CD48: variants seen among roughly 807,000 people sequenced by gnomAD.
The protein encoded by CD48 is CD48 molecule, also known as CD48 antigen.
In CD48, 20 loss-of-function variants were observed where a neutral mutation model predicts 22.0. The ratio of observed to expected loss-of-function variants is 0.91; its 90% CI spans 0.64 to 1.32. CD48 has a LOEUF of 1.32. Ranked by LOEUF, CD48 falls within the 40% of genes most tolerant of loss-of-function variation. The probability of loss-of-function intolerance (pLI) is 0.00; values close to 1 mark genes in which losing one functional copy is unlikely to be tolerated. For missense variants in CD48, 307 were observed against 286.5 expected, an observed-to-expected ratio of 1.07 and a Z score of -0.52; for synonymous variants, 110 against 110.1, an observed-to-expected ratio of 1.00 and a Z score of 0.01.
intron 1 of CD48, among the ~76,000 whole-genome samples, chr1:160,697,054 CTA>C (rs1307146930): frequency 6.6e-6 from 1 of 151,798 alleles, no homozygotes; most frequent in Non-Finnish European, 1.5e-5. Context: ...ATCTAGCACT[CTA>C]TACTTTAAAT....
At chr1:160,711,245 A>G (rs1365976825) in intron 1 of CD48, among the ~76,000 whole-genome samples, 1 of 152,218 alleles carries the variant, frequency 6.6e-6, no homozygotes, top group Non-Finnish European at 1.5e-5. Flanking sequence ...GGTCAATGAC[A>G]ATATCATTTA....
chr1:160,711,787 A>G lies in CD48; in HGVS notation c.-24T>C. On this transcript the variant is annotated 5_prime_UTR_variant, in exon 1 of 4. Transcript: ENST00000368046. ...ATGCTTCCTTCCAGAACTTCCCAGC[A>G]ACGCAGGAGACAGTTGAGAGCCTGG... The G allele has an allele frequency of 6.3e-7, 1 of 1,583,278 alleles. No homozygotes were observed. Among genetic ancestry groups the G allele is most frequent in the Non-Finnish European group, 8.7e-7 (1 of 1,152,078 alleles).
Position 160,711,697 on chromosome 1 carries a change from C to T in CD48, c.67G>A (p.Val23Met), listed in dbSNP as rs912610996. ...TGGAAAGTACCTTGAATGCTGGTCA[C>T]CAGGAGTGACAGAGGCAGCAGTAGC... ...ELLLLPLSLL[V>M]TSIQGHLVHM... The change falls in exon 1 of 4, where the codon GTG (valine) becomes ATG (methionine). Residue 23 changes from valine (V) to methionine (M), a missense_variant. Transcript: ENST00000368046. 1 of 1,612,940 alleles carries T rather than the reference C, an allele frequency of 6.2e-7. No individual in the cohort carries two copies. The highest frequency in any genetic ancestry group is 1.7e-5 in the Admixed American group (1 of 60,002).
rs562471130 is a variant in CD48, at chr1:160,685,433, T to C, written c.83-244A>G. Among the ~76,000 whole-genome samples, 3 of 152,172 alleles carry C rather than the reference T, an allele frequency of 2.0e-5. No homozygotes were observed. In the East Asian group the frequency reaches 5.8e-4, roughly 29 times the overall value. On this transcript the variant is annotated intron_variant, in intron 1 of 3. Coordinates refer to ENST00000368046, the MANE Select transcript of CD48 (RefSeq NM_001778.4). ...TTAATCTAGTACTGTCCCCAGAAAA[T>C]GAAAGAATTGAGTAAGGCCAACTGA...
chr1:160,693,888 C>T (rs1212423662), intron 1 of CD48, among the ~76,000 whole-genome samples: 1 of 152,298 alleles, frequency 6.6e-6, no homozygotes, highest in Non-Finnish European at 1.5e-5. Context: ...CCAAGTACCT[C>T]AGGGAATAAG....
intron 2 of CD48, chr1:160,684,674 A>C: frequency 1.4e-6 from 2 of 1,410,490 alleles, no homozygotes; most frequent in Non-Finnish European, 1.9e-6. Context: ...TAACTTCAGA[A>C]GAGGTGTTAA....
chr1:160,692,312 A>G (rs1662251159), intron 1 of CD48: 1 of 152,224 alleles, frequency 6.6e-6, no homozygotes, highest in East Asian at 1.9e-4. Flanking sequence ...TTAATGGCTC[A>G]GTCAACGCAA....
intron 1 of CD48, among the ~76,000 whole-genome samples, chr1:160,698,237 G>C (rs1025533093): frequency 3.3e-5 from 5 of 152,108 alleles, no homozygotes; most frequent in African/African-American, 1.2e-4. Flanking sequence ...TACTTGCATT[G>C]ATTCAACTTT....
At chr1:160,710,705 G>C (rs1167761842) in intron 1 of CD48, among the ~76,000 whole-genome samples, 1 of 152,136 alleles carries the variant, frequency 6.6e-6, no homozygotes, top group African/African-American at 2.4e-5. Flanking sequence ...AACCTATATA[G>C]CCGTAGACTC....
intron 2 of CD48, 83 bp downstream of exon 2, chr1:160,684,804 G>C: frequency 6.2e-7 from 1 of 1,613,964 alleles, no homozygotes; most frequent in African/African-American, 1.3e-5. Flanking sequence ...CCCCGAGAGT[G>C]CCCCATGCCT....
intron 1 of CD48, among the ~76,000 whole-genome samples, chr1:160,703,131 G>T (rs1662686243): frequency 6.6e-6 from 1 of 152,152 alleles, no homozygotes. Context: ...TGTGAGCTGA[G>T]CCTGAGTAAT....
chr1:160,679,076 G>T lies in CD48; in HGVS notation c.708C>A (p.Thr236=). ...IASWLVVTVP[T]ILGLLLT is the part of the protein sequence containing the mutation. ...CTCAGGTAAGTAACAGGCCAAGAAT[G>T]GTGGGCACCGTGACCACTAGCCAAC... The change falls in exon 4 of 4, where the codon ACC becomes ACA. Residue 236 remains threonine (T), a synonymous_variant. Transcript: ENST00000368046. The T allele has an allele frequency of 1.2e-6, 2 of 1,613,974 alleles. No homozygotes were observed. Among genetic ancestry groups the T allele is most frequent in the Non-Finnish European group, 1.7e-6 (2 of 1,179,886 alleles).
intron 1 of CD48, among the ~76,000 whole-genome samples, chr1:160,688,387 C>G (rs1000155733): frequency 3.9e-5 from 6 of 152,214 alleles, no homozygotes; most frequent in African/African-American, 1.4e-4. Flanking sequence ...CAGATTCCTT[C>G]TCAAACTCGA....
chr1:160,694,674 G>C (rs1276808242), intron 1 of CD48, among the ~76,000 whole-genome samples: 2 of 152,054 alleles, frequency 1.3e-5, no homozygotes, highest in Non-Finnish European at 2.9e-5. Flanking sequence ...CCAGGAAAGG[G>C]ACTAGGAAAA....
intron 1 of CD48, among the ~76,000 whole-genome samples, chr1:160,690,979 G>A (rs547965778): frequency 5.3e-5 from 8 of 152,230 alleles, no homozygotes; most frequent in South Asian, 2.1e-4. Flanking sequence ...GATTAAGGGC[G>A]GTGCAAGATG....
chr1:160,707,819 C>T (rs1297492752), intron 1 of CD48, among the ~76,000 whole-genome samples: 4 of 152,136 alleles, frequency 2.6e-5, no homozygotes, highest in Admixed American at 2.6e-4. Context: ...TTGCTCCCTC[C>T]CTCCATCCAC....
Position 160,696,735 on chromosome 1 carries a change from A to G in CD48, c.83-11546T>C, listed in dbSNP as rs534230112. On this transcript the variant is annotated intron_variant, in intron 1 of 3. Coordinates refer to ENST00000368046, the MANE Select transcript of CD48 (RefSeq NM_001778.4). ...ATATGTCATGTAACAGTTGATACTT[A>G]TTCACATTTCATGTGGGCAACTTGC... Among the ~76,000 whole-genome samples, 696 of 141,770 alleles carry G rather than the reference A, an allele frequency of 4.9e-3. 7 individuals are homozygous for G. Among genetic ancestry groups the G allele is most frequent in the African/African-American group, 0.017 (668 of 38,320 alleles). 93.0% of individuals were successfully genotyped at this position (141,770 alleles called of 152,430 possible). A position where few individuals can be genotyped will look rare whatever the true frequency, so the allele number is the denominator to read the frequency against.
chr1:160,705,158 G>A (rs1203443386), intron 1 of CD48, among the ~76,000 whole-genome samples: 1 of 152,082 alleles, frequency 6.6e-6, no homozygotes, highest in Non-Finnish European at 1.5e-5. Flanking sequence ...GTGACCCCAG[G>A]GCTTTCAAGT....
At chr1:160,703,728 G>A (rs1275251482) in intron 1 of CD48, among the ~76,000 whole-genome samples, 1 of 152,092 alleles carries the variant, frequency 6.6e-6, no homozygotes, top group African/African-American at 2.4e-5. Flanking sequence ...GGGGCAAAAG[G>A]GTGAACTTCA....
Sources: gnomAD v4.1 joint callset for allele counts (sites outside exome capture counted in the v4.1 genomes callset) on GRCh38, gnomAD v4.1.1 for gene constraint, MANE v1.5 for transcripts, NCBI Gene and HGNC (gene_info 2026-07-23, HGNC 2026-07-21) for gene names.